The following OVCH1 variants were observed in gnomAD, a reference collection of about 807,000 sequenced individuals.
The protein encoded by OVCH1 is ovochymase-1.
OVCH1 carries 139 observed loss-of-function variants against 138.4 expected under a neutral mutation model. That is an observed-to-expected ratio of 1.00 (90% confidence interval 0.87 to 1.16). The LOEUF is 1.16. OVCH1 is among the 50% of genes most tolerant of loss of function. The pLI, the probability that OVCH1 is intolerant of heterozygous loss-of-function variation, is 0.00. For synonymous variants in OVCH1, 453 were observed against 467.8 expected (o/e 0.97, Z 0.41); for missense variants, 1,367 against 1,357.9 (o/e 1.01, Z -0.11).
In OVCH1 at chr12:29,469,273, T is replaced by C. The variant is rs1942422317; in HGVS notation, c.1856+2529A>G. ...CCCTTGATATATAATAAGAATAGTA[T>C]GCTACTTCTGTGGTCTTTCTTCCCC... On this transcript the variant is annotated intron_variant, in intron 16 of 27. Coordinates refer to ENST00000318184, the Ensembl canonical transcript of OVCH1. 2.0e-5 allele frequency among the ~76,000 whole-genome samples: 3 copies of C among 152,162 alleles called. No individual in the cohort carries two copies. The South Asian group carries it at 6.2e-4, about 31-fold the overall frequency.
exon 14 of OVCH1, chr12:29,475,133 C>G: frequency 6.4e-7 from 1 of 1,563,852 alleles, no homozygotes; most frequent in Non-Finnish European, 8.7e-7. Flanking sequence ...AAGTATATCA[C>G]CGTCATGTTA....
At chr12:29,484,353 T>C (rs2136061999) in intron 8 of OVCH1, among the ~76,000 whole-genome samples, 1 of 152,352 alleles carries the variant, frequency 6.6e-6, no homozygotes, top group African/African-American at 2.4e-5. Flanking sequence ...TAGTATTAAG[T>C]ATTTGAACAC....
At chr12:29,470,015 T>C (rs1486315729) in intron 16 of OVCH1, among the ~76,000 whole-genome samples, 1 of 152,148 alleles carries the variant, frequency 6.6e-6, no homozygotes, top group Non-Finnish European at 1.5e-5. Context: ...ATTACAGTTA[T>C]ACACAGCCAC....
At chr12:29,440,845 C>T in intron 25 of OVCH1, 101 bp from the exon 26 acceptor site, 2 of 442,180 alleles carry the variant, frequency 4.5e-6, no homozygotes, top group Non-Finnish European at 9.1e-6. Flanking sequence ...GATTTTTTAC[C>T]CACTCTGAGA....
chr12:29,449,875 C>A (rs1941731680), intron 22 of OVCH1, among the ~76,000 whole-genome samples: 1 of 152,180 alleles, frequency 6.6e-6, no homozygotes, highest in Non-Finnish European at 1.5e-5. Flanking sequence ...CTACAACCAT[C>A]TGATCTTTGA....
rs534500703 is a variant in OVCH1, at chr12:29,454,791, T to C, written c.2530+50A>G. The C allele has an allele frequency of 8.0e-6, 12 of 1,496,052 alleles. No homozygotes were observed. The East Asian group carries it at 2.5e-4, about 32-fold the overall frequency. The allele number at this position is 1,496,052 out of a possible 1,614,324, so 92.7% of individuals were successfully genotyped here. ...GCAAAGCTAGACAGACAATGCTTCT[T>C]GCCAAATTCTGGCTGAAAGTATTAA... is the stretch of plus-strand genomic sequence containing the variant. On this transcript the variant is annotated intron_variant, in intron 21 of 27. Coordinates refer to ENST00000318184, the Ensembl canonical transcript of OVCH1.
chr12:29,450,568 G>A (rs1200718022), intron 22 of OVCH1, among the ~76,000 whole-genome samples: 2 of 152,214 alleles, frequency 1.3e-5, no homozygotes, highest in African/African-American at 4.8e-5. Flanking sequence ...ACTGTTGGTA[G>A]GAGTGTAAAT....
intron 3 of OVCH1, among the ~76,000 whole-genome samples, chr12:29,418,307 A>T (rs550604066): frequency 6.6e-6 from 1 of 152,370 alleles, no homozygotes; most frequent in African/African-American, 2.4e-5. Context: ...TCATGAAAGT[A>T]TAGAAAATTG....
chr12:29,465,299 T>C, intron 16 of OVCH1, 80 bp from the exon 17 acceptor site: 1 of 1,186,446 alleles, frequency 8.4e-7, no homozygotes, highest in Non-Finnish European at 1.2e-6. Context: ...TAAAGGACTC[T>C]GAGACTATAA....
intron 3 of OVCH1, among the ~76,000 whole-genome samples, chr12:29,422,429 C>T (rs1176763582): frequency 6.6e-6 from 1 of 152,192 alleles, no homozygotes; most frequent in Non-Finnish European, 1.5e-5. Context: ...TCAAGAAGGA[C>T]ATTTCACTGA....
intron 12 of OVCH1, 119 bp from the exon 13 acceptor site, chr12:29,476,418 A>C: frequency 2.5e-6 from 2 of 808,476 alleles, no homozygotes; most frequent in South Asian, 3.1e-5. Context: ...TTCACATAGA[A>C]GTGTAAATAA....
chr12:29,454,116 A>G (rs1382531490), intron 21 of OVCH1, among the ~76,000 whole-genome samples: 2 of 152,054 alleles, frequency 1.3e-5, no homozygotes, highest in Middle Eastern at 3.4e-3. Flanking sequence ...CCTGCCTTCC[A>G]TCAGTTAACT....
exon 5 of OVCH1, chr12:29,491,132 A>T: frequency 6.2e-7 from 1 of 1,613,830 alleles, no homozygotes. Flanking sequence ...GGATAAGCAA[A>T]GAATTCCTGG....
intron 21 of OVCH1, among the ~76,000 whole-genome samples, chr12:29,452,196 A>G (rs73278726): frequency 0.21 from 32,204 of 152,058 alleles, 4,461 homozygotes; most frequent in African/African-American, 0.4. Flanking sequence ...AAAACTTTCT[A>G]AGCAATTAAA....
intron 8 of OVCH1, among the ~76,000 whole-genome samples, chr12:29,480,649 A>G (rs1012513672): frequency 6.6e-6 from 1 of 152,146 alleles, no homozygotes; most frequent in African/African-American, 2.4e-5. Context: ...GAGAAATGCA[A>G]TGTCTCTCAT....
At chr12:29,423,774 G>A (rs1343722816), downstream of OVCH1, among the ~76,000 whole-genome samples, 5 of 152,090 alleles carry the variant, frequency 3.3e-5, no homozygotes, top group Non-Finnish European at 5.9e-5. Context: ...TCATGATAAC[G>A]GTATCTCAGA....
intron 26 of OVCH1, among the ~76,000 whole-genome samples, chr12:29,436,008 T>G (rs948184550): frequency 6.6e-6 from 1 of 152,202 alleles, no homozygotes; most frequent in Non-Finnish European, 1.5e-5. Context: ...TAGACCTGTA[T>G]TTCATTTACT....
intron 22 of OVCH1, among the ~76,000 whole-genome samples, chr12:29,446,198 T>A (rs1941610060): frequency 6.6e-6 from 1 of 152,074 alleles, no homozygotes; most frequent in South Asian, 2.1e-4. Context: ...CACTACTGAA[T>A]CCTCAGAACC....
At position 29,495,503 on chromosome 12, in the gene OVCH1, C is replaced by T. The variant is rs1943391099; in HGVS notation, c.282-46G>A. ...TTCATAAGTAGTTGTTTCCCCTACGCAAGTCTTCTTGGTTTGATGTAATTA... is the reference window on the plus strand; with the variant it reads ...TTCATAAGTAGTTGTTTCCCCTACGTAAGTCTTCTTGGTTTGATGTAATTA... On this transcript the variant is annotated intron_variant, in intron 3 of 27. Transcript: ENST00000318184. 2.0e-6 allele frequency: 3 copies of T among 1,536,862 alleles called. No individual in the cohort carries two copies. In the East Asian group the frequency reaches 6.8e-5, roughly 35 times the overall value.
Sources: gnomAD v4.1 joint callset for allele counts (sites outside exome capture counted in the v4.1 genomes callset) on GRCh38, gnomAD v4.1.1 for gene constraint, MANE v1.5 for transcripts, NCBI Gene and HGNC (gene_info 2026-07-23, HGNC 2026-07-21) for gene names.